Variants in BMP2K observed in about 807,000 individuals in gnomAD.
The protein encoded by BMP2K is BMP-2-inducible protein kinase.
Under a neutral mutation model 116.0 loss-of-function variants are expected in BMP2K, and 74 were observed. The ratio of observed to expected loss-of-function variants is 0.64; its 90% CI spans 0.53 to 0.77. The LOEUF (loss-of-function observed/expected upper bound fraction) is 0.77, where lower values mean the gene tolerates loss of function less well. BMP2K is among the 30% of genes least tolerant of loss of function. The probability of loss-of-function intolerance (pLI) is 0.00; values close to 1 mark genes in which losing one functional copy is unlikely to be tolerated. For missense variants in BMP2K, 1,365 were observed against 1,403.6 expected (o/e 0.97, Z 0.44); for synonymous variants, 486 against 502.5 (o/e 0.97, Z 0.44).
chr4:78,798,992 A>G (rs989466390), intron 1 of BMP2K, among the ~76,000 whole-genome samples: 19 of 152,208 alleles, frequency 1.2e-4, no homozygotes, highest in African/African-American at 4.6e-4. Flanking sequence ...AAATTATTTT[A>G]TTTTGAGATT....
chr4:78,875,759 A>C (rs1732602176), intron 13 of BMP2K, among the ~76,000 whole-genome samples: 1 of 152,212 alleles, frequency 6.6e-6, no homozygotes, highest in African/African-American at 2.4e-5. Flanking sequence ...TTTGGGCAGG[A>C]GGCTTCAGTC....
chr4:78,827,253 T>TA (rs1256673593), intron 2 of BMP2K, among the ~76,000 whole-genome samples: 1 of 152,058 alleles, frequency 6.6e-6, no homozygotes, highest in Non-Finnish European at 1.5e-5. Flanking sequence ...TTTTTTTTTT[T>TA]ATGGCACTCT....
chr4:78,794,752 G>A (rs181724271), intron 1 of BMP2K, among the ~76,000 whole-genome samples: 2 of 152,152 alleles, frequency 1.3e-5, no homozygotes, highest in East Asian at 3.9e-4. Flanking sequence ...TTATAAAGAC[G>A]AGGTCTCACT....
chr4:78,826,821 A>G (rs1331569567), intron 2 of BMP2K, among the ~76,000 whole-genome samples: 2 of 152,072 alleles, frequency 1.3e-5, no homozygotes, highest in Non-Finnish European at 2.9e-5. Flanking sequence ...TTTTCAGGAT[A>G]GAAATATTTA....
At chr4:78,811,855 A>G (rs563968767) in intron 1 of BMP2K, among the ~76,000 whole-genome samples, 78 of 152,320 alleles carry the variant, frequency 5.1e-4, no homozygotes, top group African/African-American at 1.9e-3. Context: ...TCCTCCATCA[A>G]AAACTCTCTC....
intron 1 of BMP2K, among the ~76,000 whole-genome samples, chr4:78,780,468 G>A (rs781557189): frequency 4.6e-5 from 7 of 152,010 alleles, no homozygotes; most frequent in Admixed American, 1.3e-4. Flanking sequence ...GCCAGTTCTC[G>A]TTGTTAATTT....
intron 9 of BMP2K, among the ~76,000 whole-genome samples, chr4:78,861,724 C>T (rs533997918): frequency 1.3e-5 from 2 of 151,376 alleles, no homozygotes; most frequent in African/African-American, 4.8e-5. Context: ...GACAGCGGGT[C>T]TTTTTTTTGG....
At chr4:78,842,205 A>G (rs1730791788) in intron 3 of BMP2K, among the ~76,000 whole-genome samples, 180 bp from the exon 4 acceptor site, 2 of 152,084 alleles carry the variant, frequency 1.3e-5, no homozygotes, top group Non-Finnish European at 2.9e-5. Flanking sequence ...TTTGAGATGT[A>G]AAATGTGAAA....
chr4:78,832,299 T>A (rs2110009688), intron 2 of BMP2K, among the ~76,000 whole-genome samples: 1 of 152,306 alleles, frequency 6.6e-6, no homozygotes, highest in Admixed American at 6.5e-5. Context: ...CTAAGGAAAG[T>A]ATTTTTCCGC....
intron 5 of BMP2K, 40 bp from the exon 6 acceptor site, chr4:78,847,148 A>G: frequency 9.2e-7 from 1 of 1,085,626 alleles, no homozygotes; most frequent in Non-Finnish European, 1.2e-6. Flanking sequence ...TTTTATATAT[A>G]TATATATATC....
chr4:78,817,593 A>G (rs1359833754), intron 1 of BMP2K, among the ~76,000 whole-genome samples: 3 of 152,196 alleles, frequency 2.0e-5, no homozygotes, highest in Non-Finnish European at 4.4e-5. Context: ...ATGTTCACCA[A>G]CCAGGAAACT....
At chr4:78,783,989 T>G (rs1261636343) in intron 1 of BMP2K, among the ~76,000 whole-genome samples, 1 of 152,130 alleles carries the variant, frequency 6.6e-6, no homozygotes, top group Non-Finnish European at 1.5e-5. Context: ...TGAATTAATA[T>G]TTGTTAGTAT....
chr4:78,825,894 A>C, intron 1 of BMP2K, 143 bp from the exon 2 acceptor site: 1 of 613,950 alleles, frequency 1.6e-6, no homozygotes, highest in East Asian at 2.9e-5. Flanking sequence ...TTTGGCATTT[A>C]ATCTACTAGT....
rs545407972 is a variant in BMP2K at position 78,804,405 on chromosome 4, AT to A, written c.179-21626del. On this transcript the variant is annotated intron_variant, in intron 1 of 15. Transcript: ENST00000502613. ...TGGCTATTATGAACATTTACGTAAA[AT>A]TTTTTGCGTGGATATATATTTTAGA... Among the ~76,000 whole-genome samples, 11 of 152,168 alleles carry A rather than the reference AT, an allele frequency of 7.2e-5. No homozygotes were observed. In the South Asian group the frequency reaches 2.3e-3, roughly 32 times the overall value.
At chr4:78,809,645 G>T (rs1175699843) in intron 1 of BMP2K, among the ~76,000 whole-genome samples, 7 of 148,236 alleles carry the variant, frequency 4.7e-5, no homozygotes, top group Non-Finnish European at 4.5e-5. Context: ...CTCCCAGGGT[G>T]TTGGAATTAT....
At chr4:78,843,426 C>CT (rs147526370) in intron 4 of BMP2K, among the ~76,000 whole-genome samples, 9,712 of 148,896 alleles carry the variant, frequency 0.065, 423 homozygotes, top group East Asian at 0.22. Context: ...CAGGACTTTT[C>CT]TTTTTTTTTT....
At position 78,912,152 on chromosome 4, in the gene BMP2K, T is replaced by A; in HGVS notation, c.*119T>A. On this transcript the variant is annotated 3_prime_UTR_variant, in exon 16 of 16. Transcript: ENST00000502613. ...ATTCATTCTTAAAGATCAGTCAGAATAGGTGATTTCTAAATAAACCAAATA... is the reference window on the plus strand; with the variant it reads ...ATTCATTCTTAAAGATCAGTCAGAAAAGGTGATTTCTAAATAAACCAAATA... 2.2e-6 allele frequency: 2 copies of A among 908,464 alleles called. No individual in the cohort carries two copies. Among genetic ancestry groups the A allele is most frequent in the Non-Finnish European group, 3.4e-6 (2 of 585,836 alleles). 56.3% of individuals were successfully genotyped at this position (908,464 alleles called of 1,614,324 possible). A position where few individuals can be genotyped will look rare whatever the true frequency, so the allele number is the denominator to read the frequency against.
chr4:78,821,801 A>T (rs1225085814), intron 1 of BMP2K, among the ~76,000 whole-genome samples: 1 of 152,218 alleles, frequency 6.6e-6, no homozygotes, highest in Non-Finnish European at 1.5e-5. Flanking sequence ...TGTGGGAAAG[A>T]TACGAAGGAT....
At chr4:78,813,821 T>C (rs2109977453) in intron 1 of BMP2K, among the ~76,000 whole-genome samples, 1 of 152,358 alleles carries the variant, frequency 6.6e-6, no homozygotes, top group African/African-American at 2.4e-5. Flanking sequence ...GGACTTACCG[T>C]TGTCTTCTAT....
Sources: allele counts gnomAD v4.1 joint callset (sites outside exome capture counted in the v4.1 genomes callset), GRCh38; gene constraint gnomAD v4.1.1; transcripts MANE v1.5; gene names NCBI Gene and HGNC (gene_info 2026-07-23, HGNC 2026-07-21).